The following SLC44A5 variants were observed in gnomAD, a reference collection of about 807,000 sequenced individuals.
SLC44A5 encodes choline transporter-like protein 5.
In SLC44A5, 57 loss-of-function variants were observed where a neutral mutation model predicts 101.8. The observed-to-expected ratio is 0.56, with a 90% CI of 0.45 to 0.70. The LOEUF (loss-of-function observed/expected upper bound fraction) is 0.70. Among genes scored for constraint, SLC44A5 ranks in the 30% least tolerant of loss-of-function variants. SLC44A5 has a pLI of 0.00. For synonymous variants in SLC44A5, 281 were observed against 290.9 expected, an observed-to-expected ratio of 0.97 and a Z score of 0.35; for missense variants, 737 against 853.1, an observed-to-expected ratio of 0.86 and a Z score of 1.70.
the SLC44A5 span, among the ~76,000 whole-genome samples, chr1:75,713,893 C>G: frequency 6.6e-6 from 1 of 151,676 alleles, no homozygotes; most frequent in Non-Finnish European, 1.5e-5. Context: ...ACCTTAACCT[C>G]CCGGGCTCGA....
chr1:75,238,773 G>T lies in SLC44A5; in HGVS notation c.533-137C>A, dbSNP rs533915970. 2.3e-5 allele frequency: 11 copies of T among 470,694 alleles called. No homozygotes were observed. In the South Asian group the frequency reaches 5.4e-4, roughly 23 times the overall value. The allele number at this position is 470,694 out of a possible 1,614,324, so 29.2% of individuals were successfully genotyped here. On this transcript the variant is annotated intron_variant, in intron 9 of 23. Coordinates refer to ENST00000370859, the MANE Select transcript of SLC44A5 (RefSeq NM_001130058.2). ...AATTGCTCAATATAGATAGCTCATTGCCTGTTACTTGATGATATGATTTTC... is the reference window on the plus strand; with the variant it reads ...AATTGCTCAATATAGATAGCTCATTTCCTGTTACTTGATGATATGATTTTC...
At chr1:75,544,517 AC>A (rs1413996585) in intron 1 of SLC44A5, among the ~76,000 whole-genome samples, 58 of 152,212 alleles carry the variant, frequency 3.8e-4, no homozygotes, top group African/African-American at 1.3e-3. Context: ...ACACACACAC[AC>A]ACACACACAA....
the SLC44A5 span, among the ~76,000 whole-genome samples, chr1:75,667,191 C>A: frequency 2.0e-5 from 3 of 152,300 alleles, no homozygotes; most frequent in South Asian, 2.1e-4. Context: ...CCCATCATCT[C>A]AGCCCAAAAT....
At chr1:75,389,482 C>G (rs1453170648) in intron 3 of SLC44A5, among the ~76,000 whole-genome samples, 1 of 152,054 alleles carries the variant, frequency 6.6e-6, no homozygotes, top group African/African-American at 2.4e-5. Flanking sequence ...ATTCTCAGAC[C>G]ACAGTGGAAT....
At chr1:75,583,747 G>A (rs1322132712) in intron 1 of SLC44A5, among the ~76,000 whole-genome samples, 3 of 152,184 alleles carry the variant, frequency 2.0e-5, no homozygotes, top group Non-Finnish European at 2.9e-5. Context: ...TCCAGCCAGG[G>A]ACAGAGATGA....
rs1249778 is a variant in SLC44A5, at chr1:75,399,390, G to T, written c.14-2769C>A. Among the ~76,000 whole-genome samples the T allele has an allele frequency of 9.7e-3, 1,472 of 152,208 alleles. 28 individuals are homozygous for T. Among genetic ancestry groups the T allele is most frequent in the African/African-American group, 0.034 (1,413 of 41,550 alleles). On this transcript the variant is annotated intron_variant, in intron 2 of 23. Transcript: ENST00000370859. Reference sequence around the variant, plus strand: ...AATAAAGAAGATAAATAAACTAAATGAAATCACTGGAAAGGAACTAAACAA... The same window carrying T: ...AATAAAGAAGATAAATAAACTAAATTAAATCACTGGAAAGGAACTAAACAA...
intron 2 of SLC44A5, chr1:75,402,542 C>G (rs1235283524): frequency 4.6e-6 from 1 of 216,288 alleles, no homozygotes; most frequent in African/African-American, 2.3e-5. Flanking sequence ...AGAGGATGAG[C>G]TGAAGTAGGG....
intron 5 of SLC44A5, among the ~76,000 whole-genome samples, chr1:75,284,717 A>C (rs1001520538): frequency 1.3e-5 from 2 of 152,070 alleles, no homozygotes; most frequent in Admixed American, 1.3e-4. Flanking sequence ...CTTAATACTA[A>C]AGGAATGCTG....
intron 3 of SLC44A5, among the ~76,000 whole-genome samples, chr1:75,357,797 GT>G (rs1344791153): frequency 6.6e-6 from 1 of 152,118 alleles, no homozygotes; most frequent in African/African-American, 2.4e-5. Flanking sequence ...AAATCAGCTA[GT>G]TTTCTTTCTT....
intron 12 of SLC44A5, among the ~76,000 whole-genome samples, chr1:75,231,861 A>G (rs1321701783): frequency 2.0e-5 from 3 of 152,142 alleles, no homozygotes; most frequent in African/African-American, 7.2e-5. Context: ...GTTCTGGCCA[A>G]TGAGAATTGT....
chr1:75,470,494 G>A (rs1235333133), intron 2 of SLC44A5, among the ~76,000 whole-genome samples: 1 of 152,156 alleles, frequency 6.6e-6, no homozygotes. Flanking sequence ...CTACAGCCAA[G>A]TAAATAGGCA....
intron 6 of SLC44A5, among the ~76,000 whole-genome samples, chr1:75,264,310 C>T (rs1650805808): frequency 6.6e-6 from 1 of 152,152 alleles, no homozygotes; most frequent in African/African-American, 2.4e-5. Flanking sequence ...AAAGTGCAAG[C>T]CATTGGCATT....
chr1:75,292,854 T>C (rs1653672786), intron 5 of SLC44A5, among the ~76,000 whole-genome samples: 1 of 152,240 alleles, frequency 6.6e-6, no homozygotes, highest in Non-Finnish European at 1.5e-5. Context: ...TTATTCCTCA[T>C]TTATTGTTTT....
intron 1 of SLC44A5, among the ~76,000 whole-genome samples, chr1:75,587,480 T>A (rs938358754): frequency 1.2e-4 from 19 of 152,210 alleles, no homozygotes; most frequent in African/African-American, 4.3e-4. Context: ...ATTCATCATT[T>A]AATGTGAACC....
intron 4 of SLC44A5, among the ~76,000 whole-genome samples, chr1:75,327,968 A>G (rs576148533): frequency 6.6e-6 from 1 of 152,146 alleles, no homozygotes; most frequent in Non-Finnish European, 1.5e-5. Context: ...GGACTGAGAA[A>G]TCCCATAATG....
At chr1:75,660,037 G>A in the SLC44A5 span, among the ~76,000 whole-genome samples, 6 of 151,920 alleles carry the variant, frequency 3.9e-5, no homozygotes, top group South Asian at 6.2e-4. Context: ...AGCCCTGTCT[G>A]TACTAATATT....
At chr1:75,660,896 G>A in the SLC44A5 span, among the ~76,000 whole-genome samples, 1 of 151,932 alleles carries the variant, frequency 6.6e-6, no homozygotes, top group Admixed American at 6.5e-5. Context: ...TTGTTAAAAT[G>A]TCCATACTTT....
At chr1:75,356,105 C>T (rs1659047373) in intron 3 of SLC44A5, among the ~76,000 whole-genome samples, 1 of 148,476 alleles carries the variant, frequency 6.7e-6, no homozygotes, top group Non-Finnish European at 1.5e-5. Context: ...CCCAGCTACT[C>T]AGGAGGCTGA....
intron 3 of SLC44A5, among the ~76,000 whole-genome samples, chr1:75,383,309 T>C (rs1261571692): frequency 3.7e-5 from 5 of 134,214 alleles, no homozygotes; most frequent in South Asian, 2.8e-4. Flanking sequence ...ACTCAGAGGC[T>C]GGCGGGATCC....
Sources: gnomAD v4.1 joint callset for allele counts (sites outside exome capture counted in the v4.1 genomes callset) on GRCh38, gnomAD v4.1.1 for gene constraint, MANE v1.5 for transcripts, NCBI Gene and HGNC (gene_info 2026-07-23, HGNC 2026-07-21) for gene names.